Variants in NRG1 observed in about 807,000 individuals in gnomAD.
The protein encoded by NRG1 is neuregulin 1, also known as pro-neuregulin-1, membrane-bound isoform.
In NRG1, 18 loss-of-function variants were observed where a neutral mutation model predicts 63.8. The observed-to-expected ratio is 0.28, with a 90% CI of 0.19 to 0.42. The LOEUF (loss-of-function observed/expected upper bound fraction) is 0.42. Ranked by LOEUF, NRG1 falls within the 10% of genes least tolerant of loss-of-function variation. The pLI, the probability that NRG1 is intolerant of heterozygous loss-of-function variation, is 1.00. For missense variants in NRG1, 762 were observed against 814.7 expected, an observed-to-expected ratio of 0.94 and a Z score of 0.79; for synonymous variants, 302 against 301.3, an observed-to-expected ratio of 1.00 and a Z score of -0.02.
At chr8:32,206,175 G>C (rs1363082252) in intron 1 of NRG1, among the ~76,000 whole-genome samples, 2 of 152,090 alleles carry the variant, frequency 1.3e-5, no homozygotes, top group Non-Finnish European at 2.9e-5. Flanking sequence ...GGAAGATGAT[G>C]GAAAAGCACC....
intron 1 of NRG1, among the ~76,000 whole-genome samples, chr8:32,306,562 CTG>C (rs1307460189): frequency 6.6e-6 from 1 of 152,168 alleles, no homozygotes; most frequent in Non-Finnish European, 1.5e-5. Flanking sequence ...ACAAATGACA[CTG>C]TGGTTTATTA....
intron 1 of NRG1, among the ~76,000 whole-genome samples, chr8:32,044,732 CA>C (rs35288996): frequency 0.027 from 4,087 of 148,620 alleles, 187 homozygotes; most frequent in African/African-American, 0.092. Context: ...GAAGAAGTGT[CA>C]AAAAAAAATA....
downstream of NRG1, among the ~76,000 whole-genome samples, chr8:32,768,582 G>A (rs938103328): frequency 6.6e-6 from 1 of 152,148 alleles, no homozygotes; most frequent in Admixed American, 6.5e-5. Context: ...AACTGCTCAG[G>A]GAGGAGCCTT....
At chr8:32,429,597 C>T (rs1390741177) in intron 1 of NRG1, among the ~76,000 whole-genome samples, 1 of 152,148 alleles carries the variant, frequency 6.6e-6, no homozygotes, top group East Asian at 1.9e-4. Flanking sequence ...GCTTTGTTTT[C>T]AGTAGAGGAA....
At chr8:32,192,372 A>G (rs570244338) in intron 1 of NRG1, among the ~76,000 whole-genome samples, 3 of 152,326 alleles carry the variant, frequency 2.0e-5, no homozygotes, top group African/African-American at 7.2e-5. Context: ...ATAGGTATAC[A>G]TATGATACGT....
At chr8:32,568,601 CT>C (rs933642497) in intron 1 of NRG1, among the ~76,000 whole-genome samples, 4 of 152,170 alleles carry the variant, frequency 2.6e-5, no homozygotes, top group African/African-American at 9.7e-5. Flanking sequence ...TGCAAATCCC[CT>C]GGCCTCACCC....
At chr8:31,650,657 A>T (rs10110362) in intron 1 of NRG1, among the ~76,000 whole-genome samples, 32,514 of 152,144 alleles carry the variant, frequency 0.21, 3,797 homozygotes, top group Middle Eastern at 0.25. Flanking sequence ...TGTGTACCTT[A>T]CACAAGGTAC....
At chr8:32,612,041 C>T (rs1353017178) in intron 3 of NRG1, among the ~76,000 whole-genome samples, 1 of 152,002 alleles carries the variant, frequency 6.6e-6, no homozygotes, top group Non-Finnish European at 1.5e-5. Flanking sequence ...ATTATGTTTA[C>T]TTGCCTGTTC....
At chr8:32,033,870 GAT>G (rs1440774196) in intron 1 of NRG1, among the ~76,000 whole-genome samples, 2 of 152,252 alleles carry the variant, frequency 1.3e-5, no homozygotes, top group East Asian at 3.9e-4. Flanking sequence ...GAGTTTTCCA[GAT>G]ATAGGGTCAT....
At chr8:32,753,822 G>T (rs1829178057) in intron 7 of NRG1, among the ~76,000 whole-genome samples, 1 of 152,088 alleles carries the variant, frequency 6.6e-6, no homozygotes, top group East Asian at 1.9e-4. Flanking sequence ...AGTTAGAAAT[G>T]ACTCTTTGTA....
intron 1 of NRG1, among the ~76,000 whole-genome samples, chr8:32,401,713 A>G (rs1475957503): frequency 1.3e-5 from 2 of 152,140 alleles, no homozygotes; most frequent in African/African-American, 4.8e-5. Context: ...AGAGAAGAAC[A>G]ACAGACACTG....
In NRG1 at chr8:31,892,276, A is replaced by C. The variant is rs182173648; in HGVS notation, c.37+252845A>C. On this transcript the variant is annotated intron_variant, in intron 1 of 10. Coordinates refer to the NRG1 transcript ENST00000519301. ...TCTTAGTTGAAATAACAATTTCAGA[A>C]GGATCAGCATAATGAATCTACCAGT... Among the ~76,000 whole-genome samples, 558 of 152,278 alleles carry C rather than the reference A, an allele frequency of 3.7e-3. 5 individuals carry two copies. Among genetic ancestry groups the C allele is most frequent in the African/African-American group, 0.013 (533 of 41,584 alleles).
chr8:31,754,437 C>A (rs766848476), intron 1 of NRG1, among the ~76,000 whole-genome samples: 2 of 152,078 alleles, frequency 1.3e-5, no homozygotes, highest in East Asian at 3.9e-4. Context: ...GCTACACCCT[C>A]TTTGCCTTCC....
At chr8:32,086,708 A>C (rs1050237949) in intron 1 of NRG1, among the ~76,000 whole-genome samples, 1 of 152,214 alleles carries the variant, frequency 6.6e-6, no homozygotes, top group African/African-American at 2.4e-5. Context: ...ACATTCAGGC[A>C]TGGGGAACGG....
intron 1 of NRG1, among the ~76,000 whole-genome samples, chr8:31,851,745 C>T (rs1180288000): frequency 7.1e-6 from 1 of 141,608 alleles, no homozygotes; most frequent in Non-Finnish European, 1.5e-5. Flanking sequence ...TCTCCCAATG[C>T]CATCCCTCCC....
At chr8:32,333,434 T>C (rs1409021133) in intron 1 of NRG1, among the ~76,000 whole-genome samples, 1 of 152,184 alleles carries the variant, frequency 6.6e-6, no homozygotes, top group Non-Finnish European at 1.5e-5. Flanking sequence ...ACCCTGGTGT[T>C]TGTGACATTG....
intron 1 of NRG1, among the ~76,000 whole-genome samples, chr8:32,040,513 C>T (rs1032074722): frequency 6.6e-6 from 1 of 151,222 alleles, no homozygotes; most frequent in Non-Finnish European, 1.5e-5. Context: ...TATGTTATGT[C>T]CTTTGTCAGG....
intron 1 of NRG1, among the ~76,000 whole-genome samples, chr8:31,816,502 T>C (rs368189892): frequency 1.3e-5 from 2 of 152,242 alleles, no homozygotes; most frequent in African/African-American, 4.8e-5. Flanking sequence ...AGCATATGAA[T>C]TTCCATATTA....
At chr8:32,222,560 G>C (rs763969372) in intron 1 of NRG1, among the ~76,000 whole-genome samples, 1 of 152,154 alleles carries the variant, frequency 6.6e-6, no homozygotes, top group Non-Finnish European at 1.5e-5. Flanking sequence ...ATCTCCCCCA[G>C]TTACACCCAG....
Sources: allele counts gnomAD v4.1 joint callset (sites outside exome capture counted in the v4.1 genomes callset), GRCh38; gene constraint gnomAD v4.1.1; transcripts MANE v1.5; gene names NCBI Gene and HGNC (gene_info 2026-07-23, HGNC 2026-07-21).